Variants in GBE1 observed in about 807,000 individuals in gnomAD.
GBE1 encodes 1,4-alpha-glucan-branching enzyme.
Under a neutral mutation model 88.8 loss-of-function variants are expected in GBE1, and 70 were observed. The ratio of observed to expected loss-of-function variants is 0.79; its 90% confidence interval spans 0.65 to 0.96. The LOEUF is 0.96. GBE1 is among the 40% of genes least tolerant of loss of function. The pLI is 0.00. For synonymous variants in GBE1, 284 were observed against 300.1 expected (o/e 0.95, Z 0.56); for missense variants, 872 against 871.0 (o/e 1.00, Z -0.01).
chr3:81,558,990 G>A (rs956751893), intron 12 of GBE1, among the ~76,000 whole-genome samples: 9 of 152,028 alleles, frequency 5.9e-5, no homozygotes, highest in African/African-American at 2.2e-4. Flanking sequence ...AGCATATACT[G>A]GCAAGAGAAG....
intron 2 of GBE1, among the ~76,000 whole-genome samples, chr3:81,683,531 C>A (rs557978313): frequency 1.4e-3 from 208 of 152,304 alleles, no homozygotes; most frequent in African/African-American, 4.8e-3. Flanking sequence ...ACATTCAAAG[C>A]TATAAACAAC....
intron 14 of GBE1, among the ~76,000 whole-genome samples, chr3:81,518,146 T>C (rs1286141945): frequency 6.6e-6 from 1 of 151,462 alleles, no homozygotes; most frequent in Admixed American, 6.6e-5. Context: ...CACTGTCTTC[T>C]TTAAAGGTTA....
chr3:81,548,575 TG>T (rs1703236977), intron 12 of GBE1, among the ~76,000 whole-genome samples: 1 of 151,354 alleles, frequency 6.6e-6, no homozygotes, highest in African/African-American at 2.4e-5. Context: ...CAAATTTCTT[TG>T]TCAATCGTGT....
intron 7 of GBE1, among the ~76,000 whole-genome samples, chr3:81,632,585 G>A (rs1289254359): frequency 6.6e-6 from 1 of 152,140 alleles, no homozygotes; most frequent in African/African-American, 2.4e-5. Context: ...TGGAGAAATA[G>A]GAACGCTTTT....
intron 12 of GBE1, among the ~76,000 whole-genome samples, chr3:81,541,775 G>A (rs1035940872): frequency 2.6e-5 from 4 of 152,056 alleles, no homozygotes; most frequent in Non-Finnish European, 5.9e-5. Flanking sequence ...ATGGTGGTTT[G>A]TTATAGCAGG....
chr3:81,572,840 T>C (rs1402583196), intron 12 of GBE1, among the ~76,000 whole-genome samples: 8 of 152,166 alleles, frequency 5.3e-5, no homozygotes, highest in Admixed American at 2.6e-4. Context: ...TCACTGGACA[T>C]AGTAGTCAAT....
chr3:81,646,586 A>C, intron 5 of GBE1, 104 bp from the exon 6 acceptor site: 2 of 668,694 alleles, frequency 3.0e-6, no homozygotes, highest in Non-Finnish European at 5.1e-6. Context: ...TTTACAAACA[A>C]TCTAGAAGCT....
intron 7 of GBE1, among the ~76,000 whole-genome samples, chr3:81,641,571 G>A (rs1019965061): frequency 6.6e-6 from 1 of 152,076 alleles, no homozygotes; most frequent in East Asian, 1.9e-4. Context: ...CTGAGAATAA[G>A]AATGATTAAT....
intron 7 of GBE1, among the ~76,000 whole-genome samples, chr3:81,636,122 A>C (rs1318341594): frequency 6.6e-6 from 1 of 152,212 alleles, no homozygotes; most frequent in Non-Finnish European, 1.5e-5. Flanking sequence ...GAGAGAAGTT[A>C]TATTTCTACC....
At chr3:81,565,771 A>G (rs1379476228) in intron 12 of GBE1, among the ~76,000 whole-genome samples, 1 of 152,188 alleles carries the variant, frequency 6.6e-6, no homozygotes, top group African/African-American at 2.4e-5. Flanking sequence ...TAAGAGTGCT[A>G]AACAAGAAAG....
chr3:81,749,678 T>C (rs1706468727), intron 1 of GBE1, among the ~76,000 whole-genome samples: 4 of 152,244 alleles, frequency 2.6e-5, no homozygotes, highest in Admixed American at 1.3e-4. Context: ...CTGGTTTTGA[T>C]ACAACCACTG....
At chr3:81,719,914 A>G (rs1276608509) in intron 1 of GBE1, among the ~76,000 whole-genome samples, 1 of 152,190 alleles carries the variant, frequency 6.6e-6, no homozygotes, top group Non-Finnish European at 1.5e-5. Flanking sequence ...ATATAGCCAG[A>G]GAGCCATGGA....
chr3:81,680,460 C>T (rs530732437), intron 2 of GBE1, among the ~76,000 whole-genome samples: 2 of 145,592 alleles, frequency 1.4e-5, no homozygotes, highest in African/African-American at 2.6e-5. Context: ...CACGCCACTG[C>T]ACTCCAGCCT....
intron 12 of GBE1, among the ~76,000 whole-genome samples, chr3:81,558,623 A>T (rs970477032): frequency 6.6e-6 from 1 of 152,066 alleles, no homozygotes; most frequent in African/African-American, 2.4e-5. Flanking sequence ...GTGACTCATG[A>T]GGAAACAAGT....
intron 15 of GBE1, among the ~76,000 whole-genome samples, chr3:81,493,401 T>C (rs1199515046): frequency 1.3e-5 from 2 of 152,168 alleles, no homozygotes; most frequent in Non-Finnish European, 2.9e-5. Context: ...TTGTGATATC[T>C]ACTGTTTCAT....
chr3:81,674,620 G>C lies in GBE1; in HGVS notation c.314-3667C>G, dbSNP rs557234282. On this transcript the variant is annotated intron_variant, in intron 2 of 15. Coordinates refer to ENST00000429644, the MANE Select transcript of GBE1 (RefSeq NM_000158.4). ...GCTGGTAGACACATTTTAGGGAAAT[G>C]CATGTCTTGTGAAATAAGTCATGTG... 3.3e-5 allele frequency among the ~76,000 whole-genome samples: 5 copies of C among 151,888 alleles called. No individual in the cohort carries two copies. In the South Asian group the frequency reaches 1.0e-3, roughly 32 times the overall value.
chr3:81,566,812 T>C (rs1174194899), intron 12 of GBE1, among the ~76,000 whole-genome samples: 3 of 152,176 alleles, frequency 2.0e-5, no homozygotes, highest in Non-Finnish European at 4.4e-5. Flanking sequence ...GACTTCTGTA[T>C]AAACATTTAC....
At chr3:81,602,131 G>A (rs551782943) in intron 7 of GBE1, among the ~76,000 whole-genome samples, 1 of 152,140 alleles carries the variant, frequency 6.6e-6, no homozygotes, top group Non-Finnish European at 1.5e-5. Flanking sequence ...AAGTGAGAGT[G>A]AAAGTTGAAA....
At chr3:81,570,503 T>A (rs1217447751) in intron 12 of GBE1, among the ~76,000 whole-genome samples, 1 of 152,212 alleles carries the variant, frequency 6.6e-6, no homozygotes, top group Non-Finnish European at 1.5e-5. Context: ...CAAAGTAAAG[T>A]TGCATAAAGT....
Sources: allele counts gnomAD v4.1 joint callset (sites outside exome capture counted in the v4.1 genomes callset), GRCh38; gene constraint gnomAD v4.1.1; transcripts MANE v1.5; gene names NCBI Gene and HGNC (gene_info 2026-07-23, HGNC 2026-07-21).